MARCHF5: variants seen among roughly 807,000 people sequenced by gnomAD.
The protein encoded by MARCHF5 is membrane associated ring-CH-type finger 5, also known as E3 ubiquitin-protein ligase MARCHF5.
A neutral mutation model predicts 36.5 loss-of-function variants in MARCHF5; 5 were observed. That is an observed-to-expected ratio of 0.14 (90% CI 0.07 to 0.29). The LOEUF (loss-of-function observed/expected upper bound fraction) is 0.29, where lower values mean the gene tolerates loss of function less well. MARCHF5 is among the 10% of genes least tolerant of loss of function. MARCHF5 has a pLI of 1.00. For synonymous variants in MARCHF5, 103 were observed against 109.9 expected, an observed-to-expected ratio of 0.94 and a Z score of 0.39; for missense variants, 179 against 336.3, an observed-to-expected ratio of 0.53 and a Z score of 3.66.
At chr10:92,333,892 A>G (rs1471644753) in intron 2 of MARCHF5, among the ~76,000 whole-genome samples, 2 of 152,136 alleles carry the variant, frequency 1.3e-5, no homozygotes, top group African/African-American at 4.8e-5. Context: ...TTAGCTTTAG[A>G]AAGTTGCCAT....
At chr10:92,316,869 A>G (rs572299978) in intron 2 of MARCHF5, among the ~76,000 whole-genome samples, 14 of 152,198 alleles carry the variant, frequency 9.2e-5, no homozygotes, top group Non-Finnish European at 2.1e-4. Flanking sequence ...CCCAGCTGAA[A>G]TGTGCATTTT....
rs1046129028 is a variant in MARCHF5 at position 92,291,318 on chromosome 10, C to T, written c.-177C>T. 2 of 608,356 alleles carry T rather than the reference C, an allele frequency of 3.3e-6. No individual in the cohort carries two copies. Among genetic ancestry groups the T allele is most frequent in the Admixed American group, 2.9e-5 (1 of 33,906 alleles). The allele number at this position is 608,356 out of a possible 1,614,324, so 37.7% of individuals were successfully genotyped here. A position where few individuals can be genotyped will look rare whatever the true frequency, so the allele number is the denominator to read the frequency against. On this transcript the variant is annotated 5_prime_UTR_variant, in exon 1 of 6. Coordinates refer to ENST00000358935, the MANE Select transcript of MARCHF5 (RefSeq NM_017824.5). The stretch of plus-strand genomic sequence containing the variant: ...CGCTCTCCGCCGCCTCCGCCGGACT[C>T]CCGCAGGCCCTGCACCGCCGCCGCC...
intron 5 of MARCHF5, chr10:92,350,284 A>G (rs1482279799): frequency 6.4e-6 from 1 of 155,860 alleles, no homozygotes; most frequent in African/African-American, 2.4e-5. Context: ...GTTGTTTGCT[A>G]TTATTGTTAC....
intron 1 of MARCHF5, among the ~76,000 whole-genome samples, chr10:92,299,555 A>T (rs1842988201): frequency 6.6e-6 from 1 of 152,146 alleles, no homozygotes; most frequent in Non-Finnish European, 1.5e-5. Flanking sequence ...GCTCCCCCAA[A>T]CAGAGTTAAT....
rs1045908009 is a variant in MARCHF5, at chr10:92,353,825, A to G, written c.*2618A>G. On this transcript the variant is annotated 3_prime_UTR_variant, in exon 6 of 6. Transcript: ENST00000358935. ...TTACATGATTATGAAATGACTGTGA[A>G]GAATATAAAATTAAACTTAGTGACT... 4 of 152,676 alleles carry G rather than the reference A, an allele frequency of 2.6e-5. No individual in the cohort carries two copies. The highest frequency in any genetic ancestry group is 7.2e-5 in the African/African-American group (3 of 41,468). The allele number at this position is 152,676 out of a possible 1,614,324, so 9.5% of individuals were successfully genotyped here. A position where few individuals can be genotyped will look rare whatever the true frequency, so the allele number is the denominator to read the frequency against.
At chr10:92,299,811 A>G (rs1172881611) in intron 1 of MARCHF5, among the ~76,000 whole-genome samples, 1 of 152,112 alleles carries the variant, frequency 6.6e-6, no homozygotes, top group Non-Finnish European at 1.5e-5. Flanking sequence ...GTGACATATC[A>G]GTGCTTAGAA....
chr10:92,291,580 C>T (rs552084465), intron 1 of MARCHF5, 51 bp downstream of exon 1: 9 of 1,485,808 alleles, frequency 6.1e-6, no homozygotes, highest in Non-Finnish European at 7.2e-6. Context: ...CGCTCTGGCC[C>T]TGCCCGCGCC....
chr10:92,318,063 T>A (rs1255504245), intron 2 of MARCHF5, among the ~76,000 whole-genome samples: 2 of 152,034 alleles, frequency 1.3e-5, no homozygotes, highest in African/African-American at 4.8e-5. Flanking sequence ...ATGTGAATCA[T>A]TTATTTCATT....
intron 2 of MARCHF5, among the ~76,000 whole-genome samples, chr10:92,331,889 G>GTATATATAATCATATATATGTTTT (rs1843439789): frequency 3.2e-5 from 1 of 31,540 alleles, no homozygotes; most frequent in Non-Finnish European, 8.4e-5. Flanking sequence ...TCATATATAT[G>GTATATATAATCATATATATGTTTT]TATATATAAT....
intron 1 of MARCHF5, among the ~76,000 whole-genome samples, chr10:92,309,223 T>C (rs906550840): frequency 6.6e-6 from 1 of 152,158 alleles, no homozygotes; most frequent in African/African-American, 2.4e-5. Flanking sequence ...AAGTTTGAAA[T>C]TTTTCATAAT....
chr10:92,350,060 C>T, intron 5 of MARCHF5: 1 of 485,486 alleles, frequency 2.1e-6, no homozygotes, highest in Non-Finnish European at 3.6e-6. Context: ...GCTTTCTCTC[C>T]TGGCATATGC....
In MARCHF5 at chr10:92,349,432, C is replaced by T. The variant is rs1369012870; in HGVS notation, c.453C>T (p.Val151=). The T allele has an allele frequency of 4.3e-6, 7 of 1,613,948 alleles. No homozygotes were observed. Among genetic ancestry groups the T allele is most frequent in the African/African-American group, 2.7e-5 (2 of 74,890 alleles). ...FLLIGLPTIP[V]MLILGKMIRW... ...TAATTGGACTTCCTACTATTCCTGT[C>T]ATGCTGATATTAGGCAAGATGATTC... Residue 151 remains valine, a synonymous_variant, in exon 4 of 6, where the codon GTC becomes GTT. Coordinates refer to ENST00000358935, the MANE Select transcript of MARCHF5 (RefSeq NM_017824.5).
intron 2 of MARCHF5, among the ~76,000 whole-genome samples, chr10:92,337,369 C>T (rs1843515300): frequency 6.6e-6 from 1 of 151,806 alleles, no homozygotes; most frequent in African/African-American, 2.4e-5. Flanking sequence ...ACAAAATTAG[C>T]CGGGCGTGGT....
chr10:92,293,252 A>G (rs1026055171), intron 1 of MARCHF5, among the ~76,000 whole-genome samples: 1 of 151,886 alleles, frequency 6.6e-6, no homozygotes, highest in Non-Finnish European at 1.5e-5. Flanking sequence ...ACCACAACAC[A>G]TACCACCATG....
At chr10:92,293,393 C>T (rs1842914029) in intron 1 of MARCHF5, among the ~76,000 whole-genome samples, 1 of 152,100 alleles carries the variant, frequency 6.6e-6, no homozygotes, top group Non-Finnish European at 1.5e-5. Context: ...CATGAGCCAT[C>T]GTGCCCAGCC....
intron 2 of MARCHF5, among the ~76,000 whole-genome samples, chr10:92,318,606 G>A (rs1307535229): frequency 1.3e-5 from 2 of 150,462 alleles, no homozygotes; most frequent in African/African-American, 2.4e-5. Context: ...ACCTGGGGTC[G>A]CAGCTACAAA....
chr10:92,333,522 C>A, intron 2 of MARCHF5: 1 of 394,786 alleles, frequency 2.5e-6, no homozygotes, highest in Non-Finnish European at 3.4e-6. Flanking sequence ...TGGGAGTTTT[C>A]AGTCTAAGAT....
At chr10:92,328,821 A>ATATATATATATATTTTTT (rs372130854) in intron 2 of MARCHF5, among the ~76,000 whole-genome samples, 2 of 122,444 alleles carry the variant, frequency 1.6e-5, no homozygotes, top group Admixed American at 8.8e-5. Context: ...ATATATATAT[A>ATATATATATATATTTTTT]TTTTTTTTTT....
intron 2 of MARCHF5, among the ~76,000 whole-genome samples, chr10:92,323,291 C>CCA (rs1292061460): frequency 1.3e-5 from 2 of 151,950 alleles, no homozygotes; most frequent in African/African-American, 2.4e-5. Flanking sequence ...CCACCCCTGA[C>CCA]CACACACACA....
Sources: gnomAD v4.1 joint callset for allele counts (sites outside exome capture counted in the v4.1 genomes callset) on GRCh38, gnomAD v4.1.1 for gene constraint, MANE v1.5 for transcripts, NCBI Gene and HGNC (gene_info 2026-07-23, HGNC 2026-07-21) for gene names.